Variants in TGS1 observed in about 807,000 individuals in gnomAD.
The protein encoded by TGS1 is trimethylguanosine synthase 1, also known as trimethylguanosine synthase.
TGS1 carries 69 observed loss-of-function variants against 92.2 expected under a neutral mutation model. The observed-to-expected ratio is 0.75, with a 90% CI of 0.62 to 0.91. The LOEUF (loss-of-function observed/expected upper bound fraction) is 0.91. TGS1 is among the 40% of genes least tolerant of loss of function. The pLI, the probability that TGS1 is intolerant of heterozygous loss-of-function variation, is 0.00. For synonymous variants in TGS1, 345 were observed against 338.1 expected (o/e 1.02, Z -0.22); for missense variants, 1,062 against 1,001.2 (o/e 1.06, Z -0.82).
In TGS1 at chr8:55,786,729, AGAAGCT is replaced by A. The variant is rs1389419639; in HGVS notation, c.834_839del (p.Glu278_Ala279del). On this transcript the variant is annotated inframe_deletion, in exon 4 of 13. Transcript: ENST00000260129. ...ATACAGATACTTACACATCTAAAAC[AGAAGCT>A]GATGACAAGAACGATGAAAAATGCA... The A allele has an allele frequency of 6.2e-7, 1 of 1,614,204 alleles. No individual in the cohort carries two copies. Among genetic ancestry groups the A allele is most frequent in the East Asian group, 2.2e-5 (1 of 44,882 alleles).
chr8:55,811,363 G>A (rs1048086842), intron 11 of TGS1, among the ~76,000 whole-genome samples: 24 of 152,006 alleles, frequency 1.6e-4, no homozygotes, highest in Non-Finnish European at 2.8e-4. Context: ...TCGGGAGGCC[G>A]AAGCACGAGA....
At chr8:55,782,032 A>G (rs1353864282) in intron 1 of TGS1, among the ~76,000 whole-genome samples, 2 of 152,152 alleles carry the variant, frequency 1.3e-5, no homozygotes, top group Non-Finnish European at 1.5e-5. Context: ...GTGTCTGCAT[A>G]TTGATTTATA....
intron 4 of TGS1, 113 bp from the exon 5 acceptor site, chr8:55,790,069 C>A: frequency 1.4e-6 from 1 of 737,304 alleles, no homozygotes. Flanking sequence ...CTTTGATGCA[C>A]ATGTACAGTT....
At chr8:55,819,918 G>C (rs951198334) in intron 12 of TGS1, among the ~76,000 whole-genome samples, 3 of 152,182 alleles carry the variant, frequency 2.0e-5, no homozygotes, top group Admixed American at 2.0e-4. Flanking sequence ...TTCTTGGCCT[G>C]TGTGACATTA....
chr8:55,822,454 T>C (rs184313687), intron 12 of TGS1, among the ~76,000 whole-genome samples: 3 of 152,208 alleles, frequency 2.0e-5, no homozygotes, highest in Admixed American at 6.5e-5. Context: ...ACAGCAGAAA[T>C]GCTACATTTG....
At chr8:55,782,874 A>C in intron 2 of TGS1, 62 bp downstream of exon 2, 1 of 1,096,718 alleles carries the variant, frequency 9.1e-7, no homozygotes, top group Non-Finnish European at 1.3e-6. Context: ...GTGTTAATTT[A>C]TGTATAATTT....
chr8:55,812,495 C>CAAA lies in TGS1; in HGVS notation c.2361-527_2361-525dup, dbSNP rs59611291. ...TGGGTGACAGAGCAAGACTCTGTCTCAAAAAAAAAAAAAAAAAAAATTACA... is the reference window on the plus strand; with the variant it reads ...TGGGTGACAGAGCAAGACTCTGTCTCAAAAAAAAAAAAAAAAAAAAAAATTACA... On this transcript the variant is annotated intron_variant, in intron 11 of 12. Transcript: ENST00000260129. Among the ~76,000 whole-genome samples, 775 of 98,094 alleles carry CAAA rather than the reference C, an allele frequency of 7.9e-3. 14 individuals are homozygous for CAAA. The highest frequency in any genetic ancestry group is 0.012 in the South Asian group (34 of 2,842). 64.4% of individuals were successfully genotyped at this position (98,094 alleles called of 152,430 possible).
chr8:55,774,319 G>C (rs73603113), intron 1 of TGS1, among the ~76,000 whole-genome samples: 1 of 152,246 alleles, frequency 6.6e-6, no homozygotes, highest in African/African-American at 2.4e-5. Flanking sequence ...TATATTAAAT[G>C]CGTGAGTTAA....
At chr8:55,773,744 A>C (rs1811288720) in intron 1 of TGS1, 25 bp downstream of exon 1, 2 of 1,565,910 alleles carry the variant, frequency 1.3e-6, no homozygotes, top group African/African-American at 2.7e-5. Flanking sequence ...GAATCTCTTC[A>C]TGTTCTAGCA....
At position 55,815,989 on chromosome 8, in the gene TGS1, G is replaced by T. The variant is rs1365495052; in HGVS notation, c.2439+2871G>T. On this transcript the variant is annotated intron_variant, in intron 12 of 12. Transcript: ENST00000260129. ...TGGAGATAGGGTTTCTCTCTGTCAC[G>T]CAGACTGGAGTGCAGTAGCAGTAGC... Among the ~76,000 whole-genome samples, 5 of 151,080 alleles carry T rather than the reference G, an allele frequency of 3.3e-5. No homozygotes were observed. In the East Asian group the frequency reaches 5.8e-4, roughly 18 times the overall value.
At chr8:55,774,462 A>C (rs1185363350) in intron 1 of TGS1, among the ~76,000 whole-genome samples, 1 of 152,226 alleles carries the variant, frequency 6.6e-6, no homozygotes, top group Non-Finnish European at 1.5e-5. Context: ...AGTAGGATTT[A>C]AGTTTGAAGG....
intron 11 of TGS1, among the ~76,000 whole-genome samples, chr8:55,812,352 A>G (rs1305611886): frequency 1.3e-5 from 2 of 151,906 alleles, no homozygotes; most frequent in Admixed American, 6.6e-5. Flanking sequence ...ACATGGCTGA[A>G]CCCCATCTCT....
intron 5 of TGS1, among the ~76,000 whole-genome samples, chr8:55,792,386 C>T (rs1364121424): frequency 6.6e-6 from 1 of 152,086 alleles, no homozygotes; most frequent in South Asian, 2.1e-4. Flanking sequence ...AAGGCTGCAG[C>T]TTTTACTGAT....
chr8:55,786,759 C>G lies in TGS1; in HGVS notation c.861C>G (p.Cys287Trp), dbSNP rs771836880. ...CTGATGACAAGAACGATGAAAAATGCATGAAAGTTGACTTAGTATCTTTTC... is the reference window on the plus strand; with the variant it reads ...CTGATGACAAGAACGATGAAAAATGGATGAAAGTTGACTTAGTATCTTTTC... ...TEADDKNDEKCMKVDLVSFPS... is the reference protein window; with the variant it reads ...TEADDKNDEKWMKVDLVSFPS... The change falls in exon 4 of 13, where the codon TGC becomes TGG. Residue 287 changes from cysteine to tryptophan, a missense_variant. Coordinates refer to ENST00000260129, the MANE Select transcript of TGS1 (RefSeq NM_024831.8). 6.2e-7 allele frequency: 1 copy of G among 1,614,008 alleles called. No individual in the cohort carries two copies. The highest frequency in any genetic ancestry group is 1.3e-5 in the African/African-American group (1 of 74,914).
chr8:55,780,931 A>G (rs1016186826), intron 1 of TGS1, among the ~76,000 whole-genome samples: 3 of 152,092 alleles, frequency 2.0e-5, no homozygotes, highest in Admixed American at 2.0e-4. Flanking sequence ...TGGTATTTCT[A>G]GTGTTGAGTG....
chr8:55,789,328 G>A (rs1270698952), intron 4 of TGS1, among the ~76,000 whole-genome samples: 1 of 152,098 alleles, frequency 6.6e-6, no homozygotes, highest in East Asian at 1.9e-4. Context: ...AGATAGTATT[G>A]TCTTTGTTAC....
chr8:55,812,724 TAAAATTA>T (rs1256208609), intron 11 of TGS1, among the ~76,000 whole-genome samples: 1 of 151,986 alleles, frequency 6.6e-6, no homozygotes, highest in African/African-American at 2.4e-5. Context: ...TCAAAAATAA[TAAAATTA>T]AAAATTAAAA....
chr8:55,779,705 G>A (rs529702270), intron 1 of TGS1, among the ~76,000 whole-genome samples: 60 of 152,118 alleles, frequency 3.9e-4, no homozygotes, highest in Non-Finnish European at 7.6e-4. Context: ...AAGTTGAGAA[G>A]ATTTCTCAAC....
chr8:55,790,255 T>G lies in TGS1; in HGVS notation c.1236T>G (p.Ser412Arg), dbSNP rs1811839741. 1 of 1,613,986 alleles carries G rather than the reference T, an allele frequency of 6.2e-7. No individual in the cohort carries two copies. Among genetic ancestry groups the G allele is most frequent in the Non-Finnish European group, 8.5e-7 (1 of 1,179,960 alleles). The change falls in exon 5 of 13, where the codon AGT becomes AGG. Residue 412 changes from serine to arginine, a missense_variant. Ser to Arg is a moderately radical substitution (Grantham distance 110). Transcript: ENST00000260129. Reference sequence around the variant, plus strand: ...CCAGTGGTACTGATGGAGATGAAAGTGAGGAAGACCCACCTGAGCATAAGC... The same window carrying G: ...CCAGTGGTACTGATGGAGATGAAAGGGAGGAAGACCCACCTGAGCATAAGC... ...PHASGTDGDESEEDPPEHKPS... is the reference protein window; with the variant it reads ...PHASGTDGDEREEDPPEHKPS...
Sources: allele counts gnomAD v4.1 joint callset (sites outside exome capture counted in the v4.1 genomes callset), GRCh38; gene constraint gnomAD v4.1.1; transcripts MANE v1.5; gene names NCBI Gene and HGNC (gene_info 2026-07-23, HGNC 2026-07-21).